Variants in PRR16 observed in about 807,000 individuals in gnomAD.
The protein encoded by PRR16 is proline rich 16.
A neutral mutation model predicts 18.2 loss-of-function variants in PRR16; 6 were observed. That is an observed-to-expected ratio of 0.33 (90% CI 0.18 to 0.65). The LOEUF is 0.65. PRR16 is among the 30% of genes least tolerant of loss of function. PRR16 has a pLI of 0.74. For missense variants in PRR16, 412 were observed against 376.6 expected (o/e 1.09, Z -0.78); for synonymous variants, 151 against 147.8 (o/e 1.02, Z -0.16).
At chr5:120,732,621 C>T in the PRR16 span, among the ~76,000 whole-genome samples, 4 of 152,030 alleles carry the variant, frequency 2.6e-5, no homozygotes, top group African/African-American at 4.8e-5. Flanking sequence ...GTGCCTTTAC[C>T]CCATCTGGCA....
rs1246387732 is a variant in PRR16, at chr5:120,490,068, T to C, written c.159+25423T>C. ...CTTTGTGGGTAACCCGACCTTTCTCTCTGGCTGCCCTTAACCTTTTTTCCT... is the reference window on the plus strand; with the variant it reads ...CTTTGTGGGTAACCCGACCTTTCTCCCTGGCTGCCCTTAACCTTTTTTCCT... On this transcript the variant is annotated intron_variant, in intron 1 of 1. Coordinates refer to ENST00000407149, the MANE Select transcript of PRR16 (RefSeq NM_001300783.2). Among the ~76,000 whole-genome samples the C allele has an allele frequency of 2.0e-5, 3 of 152,214 alleles. No homozygotes were observed. In the East Asian group the frequency reaches 5.8e-4, roughly 29 times the overall value.
In PRR16 at chr5:120,684,958, T is replaced by C. The variant is rs184374235; in HGVS notation, c.160-996T>C. ...CCTGGTACCTGTAGTAGCCCTTGAC[T>C]GGTGTGACTTCCTGTCATTCACCCA... On this transcript the variant is annotated intron_variant, in intron 1 of 1. Transcript: ENST00000407149. Among the ~76,000 whole-genome samples the C allele has an allele frequency of 2.2e-3, 332 of 152,336 alleles. 3 individuals carry two copies. The highest frequency in any genetic ancestry group is 7.8e-3 in the African/African-American group (325 of 41,590).
intron 1 of PRR16, among the ~76,000 whole-genome samples, chr5:120,560,562 A>C (rs552178652): frequency 6.6e-6 from 1 of 152,126 alleles, no homozygotes; most frequent in South Asian, 2.1e-4. Context: ...GGATTTTCAC[A>C]TCAATATTCA....
At chr5:120,757,013 G>T in the PRR16 span, among the ~76,000 whole-genome samples, 1 of 152,016 alleles carries the variant, frequency 6.6e-6, no homozygotes, top group African/African-American at 2.4e-5. Context: ...TAGGTAGGGG[G>T]TCCAGTTTTA....
At chr5:120,778,206 A>T in the PRR16 span, among the ~76,000 whole-genome samples, 2 of 152,148 alleles carry the variant, frequency 1.3e-5, no homozygotes, top group African/African-American at 4.8e-5. Flanking sequence ...GGTGGTAAGG[A>T]ATTGACCCAT....
intron 1 of PRR16, among the ~76,000 whole-genome samples, chr5:120,660,019 C>T (rs1168722912): frequency 6.6e-6 from 1 of 152,038 alleles, no homozygotes; most frequent in East Asian, 1.9e-4. Flanking sequence ...GATCACTCTT[C>T]CTCATGGCTT....
At chr5:120,703,161 G>T in the PRR16 span, among the ~76,000 whole-genome samples, 30 of 152,094 alleles carry the variant, frequency 2.0e-4, no homozygotes, top group Non-Finnish European at 4.4e-5. Flanking sequence ...CAGGAGTGGG[G>T]GTCGCAAGGT....
chr5:120,766,740 A>C, the PRR16 span, among the ~76,000 whole-genome samples: 1 of 151,970 alleles, frequency 6.6e-6, no homozygotes, highest in Non-Finnish European at 1.5e-5. Context: ...GATGATTATA[A>C]ACATTTGATA....
chr5:120,750,578 A>T, the PRR16 span, among the ~76,000 whole-genome samples: 1 of 152,116 alleles, frequency 6.6e-6, no homozygotes, highest in South Asian at 2.1e-4. Flanking sequence ...GAGGCAGGAG[A>T]ATCGCTTGGA....
At chr5:120,623,419 G>A (rs747057675) in intron 1 of PRR16, among the ~76,000 whole-genome samples, 1 of 152,098 alleles carries the variant, frequency 6.6e-6, no homozygotes, top group Admixed American at 6.6e-5. Flanking sequence ...ATTAGAACAT[G>A]GATTTTGGGT....
chr5:120,765,456 C>T, the PRR16 span, among the ~76,000 whole-genome samples: 1 of 152,008 alleles, frequency 6.6e-6, no homozygotes, highest in East Asian at 1.9e-4. Context: ...TGAAAAACAT[C>T]CAACTCTGGG....
At chr5:120,783,961 T>A in the PRR16 span, among the ~76,000 whole-genome samples, 8 of 152,236 alleles carry the variant, frequency 5.3e-5, no homozygotes, top group Admixed American at 3.9e-4. Flanking sequence ...CGAGAACATG[T>A]GTATTTGTCT....
chr5:120,538,627 A>G (rs772521319), intron 1 of PRR16, among the ~76,000 whole-genome samples: 1 of 152,230 alleles, frequency 6.6e-6, no homozygotes, highest in Non-Finnish European at 1.5e-5. Flanking sequence ...ATTTCTCAGA[A>G]ATAAAAGAAG....
chr5:120,514,208 G>A (rs988951738), intron 1 of PRR16, among the ~76,000 whole-genome samples: 2 of 152,110 alleles, frequency 1.3e-5, no homozygotes, highest in Non-Finnish European at 2.9e-5. Context: ...CTATGCCATT[G>A]TAAAAAGGAG....
intron 1 of PRR16, among the ~76,000 whole-genome samples, chr5:120,500,837 A>G (rs982096052): frequency 2.0e-5 from 3 of 152,174 alleles, no homozygotes; most frequent in Non-Finnish European, 4.4e-5. Flanking sequence ...CCATGAGGAG[A>G]TAATCATAAT....
rs139821425 is a variant in PRR16 at position 120,685,242 on chromosome 5, C to G, written c.160-712C>G. ...GGCTCTCTTCCATCTCTTTCCTCCT[C>G]TCAGCATGAGAGGTCTGTGTAAAGG... is the stretch of plus-strand genomic sequence containing the variant. On this transcript the variant is annotated intron_variant, in intron 1 of 1. Coordinates refer to ENST00000407149, the MANE Select transcript of PRR16 (RefSeq NM_001300783.2). 1.3e-4 allele frequency among the ~76,000 whole-genome samples: 20 copies of G among 152,274 alleles called. No individual in the cohort carries two copies. The East Asian group carries it at 3.7e-3, about 28-fold the overall frequency.
At chr5:120,704,286 A>T in the PRR16 span, among the ~76,000 whole-genome samples, 17 of 152,240 alleles carry the variant, frequency 1.1e-4, no homozygotes, top group African/African-American at 3.9e-4. Flanking sequence ...GCAGCGATGG[A>T]TGGAGGGGAG....
chr5:120,673,267 C>T (rs1756677258), intron 1 of PRR16, among the ~76,000 whole-genome samples: 1 of 152,142 alleles, frequency 6.6e-6, no homozygotes, highest in Admixed American at 6.6e-5. Context: ...TTTTCCTAAA[C>T]AGCATTTCGG....
At chr5:120,569,268 A>C (rs1462242689) in intron 1 of PRR16, among the ~76,000 whole-genome samples, 1 of 152,126 alleles carries the variant, frequency 6.6e-6, no homozygotes, top group African/African-American at 2.4e-5. Flanking sequence ...TGTGAATTTT[A>C]TTCTTGTAAA....
Sources: gnomAD v4.1 joint callset for allele counts (sites outside exome capture counted in the v4.1 genomes callset) on GRCh38, gnomAD v4.1.1 for gene constraint, MANE v1.5 for transcripts, NCBI Gene and HGNC (gene_info 2026-07-23, HGNC 2026-07-21) for gene names.